ZCCHC7: variants seen among roughly 807,000 people sequenced by gnomAD.
ZCCHC7 encodes the protein zinc finger CCHC-type containing 7.
In ZCCHC7, 35 loss-of-function variants were observed where a neutral mutation model predicts 52.0. The ratio of observed to expected loss-of-function variants is 0.67; its 90% CI spans 0.51 to 0.89. The LOEUF (loss-of-function observed/expected upper bound fraction) is 0.89, where lower values mean the gene tolerates loss of function less well. Ranked by LOEUF, ZCCHC7 falls within the 40% of genes least tolerant of loss-of-function variation. The probability of loss-of-function intolerance (pLI) is 0.00; values close to 1 mark genes in which losing one functional copy is unlikely to be tolerated. For missense variants in ZCCHC7, 574 were observed against 649.1 expected, an observed-to-expected ratio of 0.88 and a Z score of 1.26; for synonymous variants, 217 against 221.5, an observed-to-expected ratio of 0.98 and a Z score of 0.18.
At chr9:37,281,962 C>T (rs1381696240) in intron 2 of ZCCHC7, among the ~76,000 whole-genome samples, 1 of 152,162 alleles carries the variant, frequency 6.6e-6, no homozygotes, top group Non-Finnish European at 1.5e-5. Context: ...TTTATTCCTG[C>T]TCCCACGTAT....
chr9:37,217,971 T>A (rs918961185), intron 2 of ZCCHC7, among the ~76,000 whole-genome samples: 6 of 152,206 alleles, frequency 3.9e-5, no homozygotes, highest in African/African-American at 1.4e-4. Context: ...ACTTTGGAAA[T>A]TCTATTTTAA....
intron 6 of ZCCHC7, among the ~76,000 whole-genome samples, 170 bp downstream of exon 6, chr9:37,328,004 CTACCCTATCTTCCTGTTCTTA>C (rs895599604): frequency 6.6e-6 from 1 of 152,018 alleles, no homozygotes; most frequent in African/African-American, 2.4e-5. Flanking sequence ...CCACTGCCCC[CTACCCTATCTTCCTGTTCTTA>C]AAAGAATTTG....
chr9:37,150,054 G>A (rs921245161), intron 2 of ZCCHC7, among the ~76,000 whole-genome samples: 1 of 152,198 alleles, frequency 6.6e-6, no homozygotes, highest in Non-Finnish European at 1.5e-5. Context: ...TGTCATTAAG[G>A]TTTTAGAAAT....
intron 2 of ZCCHC7, among the ~76,000 whole-genome samples, chr9:37,182,008 T>G (rs1031459455): frequency 3.3e-5 from 5 of 152,146 alleles, no homozygotes; most frequent in Non-Finnish European, 7.4e-5. Flanking sequence ...TTATGGTGTG[T>G]GAATTATATC....
At chr9:37,136,709 C>G (rs1020257588) in intron 2 of ZCCHC7, among the ~76,000 whole-genome samples, 4 of 152,170 alleles carry the variant, frequency 2.6e-5, no homozygotes, top group Admixed American at 2.6e-4. Context: ...ACTCTTGGCT[C>G]AAGCGAGCTG....
At chr9:37,164,742 G>GT (rs1469621881) in intron 2 of ZCCHC7, among the ~76,000 whole-genome samples, 4 of 151,934 alleles carry the variant, frequency 2.6e-5, no homozygotes, top group African/African-American at 7.2e-5. Context: ...TCACATCTAA[G>GT]TTTTTTTTAG....
intron 6 of ZCCHC7, among the ~76,000 whole-genome samples, chr9:37,335,486 G>A (rs138782239): frequency 2.2e-4 from 33 of 152,226 alleles, no homozygotes; most frequent in Admixed American, 7.9e-4. Flanking sequence ...ATAATGCCTT[G>A]TAGGATTTTG....
intron 6 of ZCCHC7, among the ~76,000 whole-genome samples, chr9:37,329,346 T>C (rs184746802): frequency 1.3e-5 from 2 of 151,872 alleles, no homozygotes; most frequent in East Asian, 1.9e-4. Context: ...CTTAATATTT[T>C]AGCTGTTCAG....
chr9:37,154,856 T>A (rs1215785611), intron 2 of ZCCHC7, among the ~76,000 whole-genome samples: 1 of 152,178 alleles, frequency 6.6e-6, no homozygotes, highest in Non-Finnish European at 1.5e-5. Flanking sequence ...GATGATAATA[T>A]TTAGTAAAAT....
At chr9:37,189,618 C>T (rs1018126579) in intron 2 of ZCCHC7, among the ~76,000 whole-genome samples, 9 of 152,106 alleles carry the variant, frequency 5.9e-5, no homozygotes, top group Non-Finnish European at 2.9e-5. Context: ...GAACTCCTGA[C>T]CTCAGGTGAT....
intron 2 of ZCCHC7, among the ~76,000 whole-genome samples, chr9:37,266,244 G>A (rs919953868): frequency 6.6e-6 from 1 of 152,180 alleles, no homozygotes; most frequent in African/African-American, 2.4e-5. Context: ...TATTAAAGAA[G>A]ATTCTGCACA....
At chr9:37,309,133 C>T (rs776304914) in intron 5 of ZCCHC7, among the ~76,000 whole-genome samples, 2 of 152,082 alleles carry the variant, frequency 1.3e-5, no homozygotes, top group Admixed American at 6.5e-5. Flanking sequence ...AATTACATGG[C>T]GAAGGTTCTG....
chr9:37,348,350 C>CTTTG, intron 6 of ZCCHC7, among the ~76,000 whole-genome samples: 1 of 70,634 alleles, frequency 1.4e-5, no homozygotes, highest in Non-Finnish European at 3.2e-5. Flanking sequence ...CCAGTTCGTT[C>CTTTG]TTTCTTTCTT....
chr9:37,249,599 G>C (rs549766633), intron 2 of ZCCHC7, among the ~76,000 whole-genome samples: 1 of 151,366 alleles, frequency 6.6e-6, no homozygotes, highest in Non-Finnish European at 1.5e-5. Flanking sequence ...CTACGGGTGC[G>C]TGCCACCACA....
intron 2 of ZCCHC7, among the ~76,000 whole-genome samples, chr9:37,206,324 C>G (rs914950479): frequency 6.6e-6 from 1 of 150,790 alleles, no homozygotes; most frequent in African/African-American, 2.4e-5. Flanking sequence ...CTCCTCCTCC[C>G]CACTTCTCTC....
intron 2 of ZCCHC7, among the ~76,000 whole-genome samples, chr9:37,129,163 G>T (rs1342442946): frequency 6.6e-5 from 10 of 152,134 alleles, no homozygotes; most frequent in Admixed American, 6.5e-4. Flanking sequence ...CTTTCTGTTT[G>T]CACTAGAGAA....
chr9:37,160,595 A>C (rs536797477), intron 2 of ZCCHC7, among the ~76,000 whole-genome samples: 11 of 152,116 alleles, frequency 7.2e-5, no homozygotes, highest in Non-Finnish European at 1.6e-4. Flanking sequence ...TGTATGTCAC[A>C]TTTAACATGG....
chr9:37,176,083 G>A (rs1352930188), intron 2 of ZCCHC7, among the ~76,000 whole-genome samples: 2 of 151,574 alleles, frequency 1.3e-5, no homozygotes, highest in Non-Finnish European at 2.9e-5. Context: ...TGTTTGTTTT[G>A]TTTTGTTTTT....
chr9:37,249,255 C>A lies in ZCCHC7; in HGVS notation c.611-52933C>A, dbSNP rs1395694754. Among the ~76,000 whole-genome samples the A allele has an allele frequency of 3.3e-5, 5 of 152,070 alleles. No individual in the cohort carries two copies. In the East Asian group the frequency reaches 9.6e-4, roughly 29 times the overall value. On this transcript the variant is annotated intron_variant, in intron 2 of 8. Coordinates refer to ENST00000336755, the MANE Select transcript of ZCCHC7 (RefSeq NM_032226.3). ...CCTCAGAAGGGAGAATGGTCATGTT[C>A]TCCAGTGCCGTATCTGAATATCTGA... is the stretch of plus-strand genomic sequence containing the variant.
Sources: gnomAD v4.1 joint callset for allele counts (sites outside exome capture counted in the v4.1 genomes callset) on GRCh38, gnomAD v4.1.1 for gene constraint, MANE v1.5 for transcripts, NCBI Gene and HGNC (gene_info 2026-07-23, HGNC 2026-07-21) for gene names.